SUN1: variants seen among roughly 807,000 people sequenced by gnomAD.
SUN1 encodes the protein Sad1 and UNC84 domain containing 1.
A neutral mutation model predicts 103.2 loss-of-function variants in SUN1; 61 were observed. That is an observed-to-expected ratio of 0.59 (90% CI 0.48 to 0.73). The LOEUF is 0.73. Among genes scored for constraint, SUN1 ranks in the 30% least tolerant of loss-of-function variants. The pLI is 0.00. For synonymous variants in SUN1, 490 were observed against 425.7 expected (o/e 1.15, Z -1.86); for missense variants, 1,052 against 1,034.6 (o/e 1.02, Z -0.23).
rs372053019 is a variant in SUN1 at position 848,389 on chromosome 7, A to C, written c.659-2995A>C. On this transcript the variant is annotated intron_variant, in intron 5 of 18. Transcript: ENST00000401592. ...AGTAGATATTGGCTTTATGGGAAGA[A>C]ATAACGCATGTTCATGGTTTTTTAA... is the stretch of plus-strand genomic sequence containing the variant. 1.1e-4 allele frequency: 150 copies of C among 1,342,686 alleles called. 1 individual carries two copies. The highest frequency in any genetic ancestry group is 1.4e-4 in the Non-Finnish European group (141 of 1,016,184). The allele number at this position is 1,342,686 out of a possible 1,614,324, so 83.2% of individuals were successfully genotyped here.
chr7:839,361 C>T (rs904689966), intron 2 of SUN1, among the ~76,000 whole-genome samples: 1 of 152,232 alleles, frequency 6.6e-6, no homozygotes, highest in Non-Finnish European at 1.5e-5. Context: ...ATTACACATG[C>T]TGTCGTGGAC....
chr7:871,613 C>T (rs1841761534), intron 17 of SUN1, among the ~76,000 whole-genome samples: 2 of 152,224 alleles, frequency 1.3e-5, no homozygotes, highest in African/African-American at 2.4e-5. Context: ...TGGTCTCAAT[C>T]TCCTGACCTT....
At chr7:871,742 C>T (rs555263737) in intron 17 of SUN1, among the ~76,000 whole-genome samples, 57 of 152,346 alleles carry the variant, frequency 3.7e-4, no homozygotes, top group African/African-American at 1.3e-3. Flanking sequence ...TCTACTCACT[C>T]GCTGGAACTT....
Position 874,023 on chromosome 7 carries a change from A to G in SUN1, c.*692A>G, listed in dbSNP as rs892923044. 2.0e-5 allele frequency: 3 copies of G among 152,238 alleles called. No individual in the cohort carries two copies. Among genetic ancestry groups the G allele is most frequent in the African/African-American group, 7.2e-5 (3 of 41,460 alleles). The allele number at this position is 152,238 out of a possible 1,614,324, so 9.4% of individuals were successfully genotyped here. A position where few individuals can be genotyped will look rare whatever the true frequency, so the allele number is the denominator to read the frequency against. Reference sequence around the variant, plus strand: ...ACTTGAAGGGGCCTGGTTTGGATCTAAGCAAACACCCAGATGGGGTTCTCT... The same window carrying G: ...ACTTGAAGGGGCCTGGTTTGGATCTGAGCAAACACCCAGATGGGGTTCTCT... On this transcript the variant is annotated 3_prime_UTR_variant, in exon 19 of 19. Transcript: ENST00000401592.
At chr7:851,062 A>G (rs1207069290) in intron 5 of SUN1, 5 of 203,008 alleles carry the variant, frequency 2.5e-5, no homozygotes, top group Admixed American at 1.5e-4. Context: ...GCTGGCACCA[A>G]TGGCCAATAT....
chr7:832,751 T>A, intron 1 of SUN1, 150 bp downstream of exon 1: 2 of 678,104 alleles, frequency 2.9e-6, no homozygotes, highest in South Asian at 3.8e-5. Flanking sequence ...CTTATGGCTT[T>A]AGAGGTGGTT....
At chr7:817,152 G>T (rs573912100) in intron 1 of SUN1, 1 of 455,986 alleles carries the variant, frequency 2.2e-6, no homozygotes. Flanking sequence ...AAGAGGGGGG[G>T]TCTCGCTGTG....
chr7:825,159 C>A (rs1291947265), intron 1 of SUN1, among the ~76,000 whole-genome samples: 1 of 152,052 alleles, frequency 6.6e-6, no homozygotes, highest in African/African-American at 2.4e-5. Context: ...CCCGGGTTCA[C>A]GCCATTCTCC....
rs943820900 is a variant in SUN1 at position 857,739 on chromosome 7, G to C, written c.1395-89G>C. Reference sequence around the variant, plus strand: ...TGTACAGTTGTGACACCCAGGAGTGGGATCGGGTTCCCCTCAGCCTGTGTG... The same window carrying C: ...TGTACAGTTGTGACACCCAGGAGTGCGATCGGGTTCCCCTCAGCCTGTGTG... On this transcript the variant is annotated intron_variant, in intron 12 of 18. Transcript: ENST00000401592. The C allele has an allele frequency of 1.3e-5, 18 of 1,418,576 alleles. No individual in the cohort carries two copies. The Admixed American group carries it at 1.8e-4, about 14-fold the overall frequency. The allele number at this position is 1,418,576 out of a possible 1,614,324, so 87.9% of individuals were successfully genotyped here. A position where few individuals can be genotyped will look rare whatever the true frequency, so the allele number is the denominator to read the frequency against.
chr7:855,115 G>C (rs1382722817), intron 11 of SUN1, 109 bp downstream of exon 11: 2 of 847,712 alleles, frequency 2.4e-6, no homozygotes, highest in African/African-American at 1.7e-5. Flanking sequence ...GCTATTTGCT[G>C]TTTGTTTTGT....
rs934723715 is a variant in SUN1, at chr7:863,029, C to T, written c.1864+1565C>T. On this transcript the variant is annotated intron_variant, in intron 15 of 18. Transcript: ENST00000401592. ...TGGTGGTGGGCGCCTGTAGTCCCAG[C>T]TACTTGGGAGGCTAAGGCAGGAGAA... 8.9e-4 allele frequency among the ~76,000 whole-genome samples: 136 copies of T among 152,132 alleles called. 1 individual carries two copies. The highest frequency in any genetic ancestry group is 2.9e-3 in the African/African-American group (121 of 41,412).
At chr7:837,178 G>T (rs1804168298) in intron 1 of SUN1, among the ~76,000 whole-genome samples, 1 of 152,238 alleles carries the variant, frequency 6.6e-6, no homozygotes, top group Non-Finnish European at 1.5e-5. Context: ...AGCCCTGGTT[G>T]CGGAGGCTCT....
chr7:852,561 C>T lies in SUN1; in HGVS notation c.852-48C>T, dbSNP rs1278370977. ...AGAGGGGGAAAACAGATTGGTGAAC[C>T]CTGACTTTCATTTTTTCTAAGTCAA... On this transcript the variant is annotated intron_variant, in intron 7 of 18. Coordinates refer to ENST00000401592, the MANE Select transcript of SUN1 (RefSeq NM_001130965.3). 8 of 1,610,010 alleles carry T rather than the reference C, an allele frequency of 5.0e-6. No individual in the cohort carries two copies. In the Admixed American group the frequency reaches 1.3e-4, roughly 27 times the overall value.
chr7:839,510 T>C (rs1289868487), intron 2 of SUN1, among the ~76,000 whole-genome samples: 3 of 152,112 alleles, frequency 2.0e-5, no homozygotes, highest in Non-Finnish European at 4.4e-5. Flanking sequence ...CGCAGCCTCC[T>C]GAGTAGCTGG....
chr7:849,535 A>C, intron 5 of SUN1: 2 of 1,381,808 alleles, frequency 1.4e-6, no homozygotes, highest in Non-Finnish European at 9.7e-7. Flanking sequence ...GCCAGTTACT[A>C]TGGGAGAATG....
intron 1 of SUN1, among the ~76,000 whole-genome samples, chr7:836,143 T>C (rs1012724844): frequency 6.6e-6 from 1 of 152,114 alleles, no homozygotes; most frequent in African/African-American, 2.4e-5. Context: ...AGTTGTTTTT[T>C]ACCGTGGGCT....
At chr7:849,024 T>C (rs914431981) in intron 5 of SUN1, among the ~76,000 whole-genome samples, 1 of 152,004 alleles carries the variant, frequency 6.6e-6, no homozygotes, top group Non-Finnish European at 1.5e-5. Flanking sequence ...TGATCTCGGC[T>C]CACCGCAACC....
At chr7:851,700 C>T (rs915281941) in intron 6 of SUN1, 21 of 633,780 alleles carry the variant, frequency 3.3e-5, no homozygotes, top group South Asian at 5.9e-5. Flanking sequence ...GGGGGAAGTC[C>T]GGCTGCCTGA....
rs1156760975 is a variant in SUN1, at chr7:860,488, C to T, written c.1779+106C>T. 3 of 1,532,314 alleles carry T rather than the reference C, an allele frequency of 2.0e-6. No homozygotes were observed. The African/African-American group carries it at 4.1e-5, about 21-fold the overall frequency. 94.9% of individuals were successfully genotyped at this position (1,532,314 alleles called of 1,614,324 possible). A position where few individuals can be genotyped will look rare whatever the true frequency, so the allele number is the denominator to read the frequency against. On this transcript the variant is annotated intron_variant, in intron 14 of 18. Coordinates refer to ENST00000401592, the MANE Select transcript of SUN1 (RefSeq NM_001130965.3). Reference sequence around the variant, plus strand: ...GTTGATGTCTTGTTTTAAGAGTGGTCTGGCTGGGGTGTGCTTAGCTGACGT... The same window carrying T: ...GTTGATGTCTTGTTTTAAGAGTGGTTTGGCTGGGGTGTGCTTAGCTGACGT...
Sources: gnomAD v4.1 joint callset for allele counts (sites outside exome capture counted in the v4.1 genomes callset) on GRCh38, gnomAD v4.1.1 for gene constraint, MANE v1.5 for transcripts, NCBI Gene and HGNC (gene_info 2026-07-23, HGNC 2026-07-21) for gene names.